RASA3: variants seen among roughly 807,000 people sequenced by gnomAD.
RASA3 encodes RAS p21 protein activator 3.
A neutral mutation model predicts 110.0 loss-of-function variants in RASA3; 73 were observed. That is an observed-to-expected ratio of 0.66 (90% CI 0.55 to 0.81). The LOEUF is 0.81. Ranked by LOEUF, RASA3 falls within the 30% of genes least tolerant of loss-of-function variation. RASA3 has a pLI of 0.00. For missense variants in RASA3, 976 were observed against 1,113.2 expected (o/e 0.88, Z 1.75); for synonymous variants, 500 against 451.4 (o/e 1.11, Z -1.37).
intron 21 of RASA3, among the ~76,000 whole-genome samples, 155 bp from the exon 22 acceptor site, chr13:113,992,743 C>T (rs1169804595): frequency 6.6e-6 from 1 of 152,240 alleles, no homozygotes; most frequent in Non-Finnish European, 1.5e-5. Flanking sequence ...CTGTGCACAG[C>T]CGGTGTGTTG....
At position 114,011,201 on chromosome 13, in the gene RASA3, C is replaced by T. The variant is rs1320347596; in HGVS notation, c.1560G>A (p.Gln520=). 2 of 1,613,056 alleles carry T rather than the reference C, an allele frequency of 1.2e-6. No homozygotes were observed. Among genetic ancestry groups the T allele is most frequent in the Non-Finnish European group, 1.7e-6 (2 of 1,179,728 alleles). ...RTLTLISKTV[Q]TLGSLSKSKS... is the part of the protein sequence containing the mutation. Reference sequence around the variant, plus strand: ...TGGACTTGGACAGGCTGCCGAGGGTCTGAACGGTCTTGGAGATCAATGTCA... The same window carrying T: ...TGGACTTGGACAGGCTGCCGAGGGTTTGAACGGTCTTGGAGATCAATGTCA... The change falls in exon 16 of 24, where the codon CAG becomes CAA. Residue 520 remains glutamine (Q), a synonymous_variant. Coordinates refer to ENST00000334062, the MANE Select transcript of RASA3 (RefSeq NM_007368.4). The surrounding 1 kb of genome is among the most constrained non-coding windows in gnomAD (Gnocchi z 4.8).
In RASA3 at chr13:114,017,369, G is replaced by A; in HGVS notation, c.1092-18C>T. 1 of 1,594,582 alleles carries A rather than the reference G, an allele frequency of 6.3e-7. No homozygotes were observed. The highest frequency in any genetic ancestry group is 8.6e-7 in the Non-Finnish European group (1 of 1,162,800). Reference sequence around the variant, plus strand: ...TGGGGTCCCTGGGAAATGGCGATGGGGACAGCGTTTGTCTCCTGGGGACGC... The same window carrying A: ...TGGGGTCCCTGGGAAATGGCGATGGAGACAGCGTTTGTCTCCTGGGGACGC... On this transcript the variant is annotated intron_variant, in intron 11 of 23. Transcript: ENST00000334062.
At chr13:114,122,325 A>G (rs1269032611) in intron 1 of RASA3, among the ~76,000 whole-genome samples, 1 of 152,140 alleles carries the variant, frequency 6.6e-6, no homozygotes, top group African/African-American at 2.4e-5. Flanking sequence ...GGAGCATCCC[A>G]CCCGGACCTC....
At chr13:113,980,354 ATGTGTGTGCGCCTCCTCCG>A (rs2052899472) in intron 23 of RASA3, among the ~76,000 whole-genome samples, 1 of 123,100 alleles carries the variant, frequency 8.1e-6, no homozygotes, top group Non-Finnish European at 1.6e-5. Flanking sequence ...ACCTCCTGCC[ATGTGTGTGCGCCTCCTCCG>A]TGTGTGTGCC....
chr13:114,009,610 C>T (rs977719295), intron 16 of RASA3, 146 bp from the exon 17 acceptor site: 14 of 629,640 alleles, frequency 2.2e-5, no homozygotes, highest in African/African-American at 5.5e-5. Flanking sequence ...AGTGAGAGCC[C>T]GCAGGGCTGC....
Position 114,057,564 on chromosome 13 carries a change from C to A in RASA3, c.174-5409G>T. ...GCGATTCCAGGGACAGTGGAGGCCC[C>A]CACAGGAAGGAAACCTCTCCCCACA... On this transcript the variant is annotated intron_variant, in intron 2 of 23. Transcript: ENST00000334062. This position sits in a 1 kb window ranked among gnomAD's most constrained non-coding sequence, Gnocchi z 5.0. 1 of 961,288 alleles carries A rather than the reference C, an allele frequency of 1.0e-6. No individual in the cohort carries two copies. The highest frequency in any genetic ancestry group is 1.2e-6 in the Non-Finnish European group (1 of 808,060). 59.5% of individuals were successfully genotyped at this position (961,288 alleles called of 1,614,324 possible).
chr13:114,018,117 C>A lies in RASA3; in HGVS notation c.1078G>T (p.Val360Leu), dbSNP rs1190794764. Residue 360 changes from valine (V) to leucine (L), a missense_variant, in exon 11 of 24, where the codon GTG (valine) becomes TTG (leucine). By Grantham distance (32) the Val-to-Leu change is conservative. Around this residue, in one of 4 missense-constraint regions of RASA3, gnomAD observed 732 missense variants for 779.7 expected, o/e 0.94. Transcript: ENST00000334062. The stretch of plus-strand genomic sequence containing the variant: ...GTGGGCACTCACTGGGTCCGCTTCA[C>A]CTCCGCGCTGGCGATGGCACTGATG... The part of the protein sequence containing the change: ...PFISAIASAE[V>L]KRTQDPNTIF... 1.9e-6 allele frequency: 3 copies of A among 1,546,982 alleles called. No individual in the cohort carries two copies. Among genetic ancestry groups the A allele is most frequent in the African/African-American group, 1.4e-5 (1 of 72,970 alleles).
In RASA3 at chr13:114,081,934, C is replaced by T. The variant is rs75117210; in HGVS notation, c.56-8097G>A. On this transcript the variant is annotated intron_variant, in intron 1 of 23. Coordinates refer to ENST00000334062, the MANE Select transcript of RASA3 (RefSeq NM_007368.4). ...GTGACTCCTCTCCTGAGTCCACACA[C>T]AGGACCTCACACCTGCACTCACCGG... Among the ~76,000 whole-genome samples, 145 of 152,326 alleles carry T rather than the reference C, an allele frequency of 9.5e-4. 6 individuals are homozygous for T. The East Asian group carries it at 0.021, about 22-fold the overall frequency.
intron 1 of RASA3, among the ~76,000 whole-genome samples, chr13:114,103,624 A>G (rs12869763): frequency 0.38 from 30 of 80 alleles, 5 homozygotes; most frequent in South Asian, 0.5. Context: ...ACTGCCGCCG[A>G]CCACAGACAC....
chr13:113,981,640 T>C (rs1215629060), intron 23 of RASA3, 35 bp downstream of exon 23: 1 of 1,502,810 alleles, frequency 6.7e-7, no homozygotes, highest in East Asian at 2.6e-5. Context: ...CCCACTACAC[T>C]GGCCGTCCAG....
chr13:114,005,817 C>CCG (rs202166586), intron 18 of RASA3, among the ~76,000 whole-genome samples: 2,591 of 93,274 alleles, frequency 0.028, 281 homozygotes, highest in Non-Finnish European at 0.049. Context: ...ACCCTTCTCC[C>CCG]CTCCTGCCCT....
chr13:113,998,981 TG>T, intron 20 of RASA3, among the ~76,000 whole-genome samples: 1 of 152,258 alleles, frequency 6.6e-6, no homozygotes, highest in South Asian at 2.1e-4. Context: ...GAAACACACT[TG>T]GAAGTGTTGA....
chr13:114,059,393 C>T (rs1055434508), intron 2 of RASA3, among the ~76,000 whole-genome samples: 1 of 152,254 alleles, frequency 6.6e-6, no homozygotes, highest in East Asian at 1.9e-4. Flanking sequence ...CTGTGACAGA[C>T]GTCGCTGAAG....
intron 1 of RASA3, among the ~76,000 whole-genome samples, chr13:114,080,864 C>T (rs12561480): frequency 0.044 from 6,426 of 146,610 alleles, 106 homozygotes; most frequent in African/African-American, 0.11. Context: ...CCAATAGTGC[C>T]GTGTGGCAGA....
intron 1 of RASA3, among the ~76,000 whole-genome samples, chr13:114,121,452 A>T (rs1212678637): frequency 6.6e-6 from 1 of 152,198 alleles, no homozygotes; most frequent in Non-Finnish European, 1.5e-5. Flanking sequence ...AGCCAACAGA[A>T]GCCCACCGGA....
chr13:114,041,057 G>A lies in RASA3; in HGVS notation c.315C>T (p.Tyr105=), dbSNP rs1364111685. 1.9e-6 allele frequency: 3 copies of A among 1,613,696 alleles called. No individual in the cohort carries two copies. The African/African-American group carries it at 4.0e-5, about 22-fold the overall frequency. The change falls in exon 4 of 24, where the codon TAC becomes TAT. Residue 105 remains tyrosine (Y), a synonymous_variant. Coordinates refer to ENST00000334062, the MANE Select transcript of RASA3 (RefSeq NM_007368.4). Reference sequence around the variant, plus strand: ...GCTGGAACCAGGTGTCCCTGTTGTGGTACTTCTGCAAGTCCTCCTTCTGGA... The same window carrying A: ...GCTGGAACCAGGTGTCCCTGTTGTGATACTTCTGCAAGTCCTCCTTCTGGA... ...VAIQKEDLQK[Y]HNRDTWFQLQ...
intron 21 of RASA3, among the ~76,000 whole-genome samples, chr13:113,995,070 G>A (rs1447185727): frequency 6.6e-6 from 1 of 152,264 alleles, no homozygotes; most frequent in African/African-American, 2.4e-5. Context: ...TCCGGCCTCA[G>A]CGGCTGGAGC....
At chr13:114,039,476 G>C (rs6560954) in intron 4 of RASA3, among the ~76,000 whole-genome samples, 107,460 of 151,864 alleles carry the variant, frequency 0.71, 38,803 homozygotes, top group African/African-American at 0.87. Flanking sequence ...GAAGCCGTCC[G>C]GTGTCCCAGG....
chr13:114,127,176 G>A (rs972840573), intron 1 of RASA3, among the ~76,000 whole-genome samples: 6 of 152,220 alleles, frequency 3.9e-5, no homozygotes, highest in East Asian at 1.9e-4. Flanking sequence ...CGGTTCACAC[G>A]CTCCTTAGCT....
Sources: allele counts gnomAD v4.1 joint callset (sites outside exome capture counted in the v4.1 genomes callset), GRCh38; gene constraint gnomAD v4.1.1; regional missense constraint gnomAD v4.1.1; non-coding constraint Gnocchi (gnomAD v3.1); transcripts MANE v1.5; gene names NCBI Gene and HGNC (gene_info 2026-07-23, HGNC 2026-07-21).